Variants in SSH1 observed in about 807,000 individuals in gnomAD.
SSH1 encodes protein phosphatase Slingshot homolog 1.
SSH1 carries 43 observed loss-of-function variants against 79.7 expected under a neutral mutation model. The ratio of observed to expected loss-of-function variants is 0.54; its 90% CI spans 0.42 to 0.70. The LOEUF (loss-of-function observed/expected upper bound fraction) is 0.70, where lower values mean the gene tolerates loss of function less well. Ranked by LOEUF, SSH1 falls within the 30% of genes least tolerant of loss-of-function variation. The pLI, the probability that SSH1 is intolerant of heterozygous loss-of-function variation, is 0.00. For synonymous variants in SSH1, 599 were observed against 538.3 expected, an observed-to-expected ratio of 1.11 and a Z score of -1.56; for missense variants, 1,206 against 1,358.8, an observed-to-expected ratio of 0.89 and a Z score of 1.77.
chr12:108,822,896 C>G (rs1373945253), intron 3 of SSH1, among the ~76,000 whole-genome samples: 1 of 152,156 alleles, frequency 6.6e-6, no homozygotes, highest in Non-Finnish European at 1.5e-5. Flanking sequence ...ATACAGCACT[C>G]CAGATGGTTA....
At chr12:108,808,161 T>C (rs1172455234) in intron 7 of SSH1, among the ~76,000 whole-genome samples, 1 of 152,174 alleles carries the variant, frequency 6.6e-6, no homozygotes, top group Non-Finnish European at 1.5e-5. Flanking sequence ...TGGTCTTGAA[T>C]TCCTAGCCTC....
At chr12:108,811,779 C>T (rs1362325855) in intron 5 of SSH1, 3 of 250,878 alleles carry the variant, frequency 1.2e-5, no homozygotes, top group Non-Finnish European at 2.4e-5. Context: ...TACAATCTCG[C>T]TTAATCTGGT....
intron 1 of SSH1, chr12:108,853,391 C>T: frequency 1.0e-6 from 1 of 976,296 alleles, no homozygotes; most frequent in Non-Finnish European, 1.2e-6. Context: ...GAAACACATA[C>T]ACACCCCCCA....
At chr12:108,816,048 C>T (rs1467803262) in intron 5 of SSH1, among the ~76,000 whole-genome samples, 1 of 152,186 alleles carries the variant, frequency 6.6e-6, no homozygotes, top group African/African-American at 2.4e-5. Context: ...CTTGCTGCTC[C>T]GCCTCCACCC....
In SSH1 at chr12:108,779,233, C is replaced by CA. The variant is rs1157632483; in HGVS notation, c.*8754dup. 3 of 152,338 alleles carry CA rather than the reference C, an allele frequency of 2.0e-5. No homozygotes were observed. Among genetic ancestry groups the CA allele is most frequent in the Non-Finnish European group, 4.4e-5 (3 of 68,034 alleles). The allele number at this position is 152,338 out of a possible 1,614,324, so 9.4% of individuals were successfully genotyped here. ...TTTCAGGTTGAAAATGGACTCTTAA[C>CA]AAGGTACTTCAGGATGCACAATTTC... On this transcript the variant is annotated 3_prime_UTR_variant, in exon 15 of 15. Transcript: ENST00000326495.
chr12:108,810,581 A>AT (rs2037533939), intron 6 of SSH1, among the ~76,000 whole-genome samples: 1 of 152,204 alleles, frequency 6.6e-6, no homozygotes, highest in Non-Finnish European at 1.5e-5. Context: ...AAATATCCCC[A>AT]TAACCCCATC....
chr12:108,800,698 G>C, intron 12 of SSH1, 82 bp downstream of exon 12: 1 of 1,568,796 alleles, frequency 6.4e-7, no homozygotes, highest in South Asian at 1.1e-5. Flanking sequence ...GCCGACTTCT[G>C]CATCTGCAGT....
At chr12:108,852,092 G>A (rs763235064) in intron 2 of SSH1, among the ~76,000 whole-genome samples, 9 of 152,076 alleles carry the variant, frequency 5.9e-5, no homozygotes, top group Non-Finnish European at 1.0e-4. Flanking sequence ...TAATGTAAGG[G>A]TGGTAGAATA....
intron 2 of SSH1, among the ~76,000 whole-genome samples, chr12:108,852,154 G>T (rs1264921561): frequency 6.6e-6 from 1 of 151,840 alleles, no homozygotes; most frequent in African/African-American, 2.4e-5. Flanking sequence ...TATTAAAGTG[G>T]CTAGACATAT....
intron 13 of SSH1, among the ~76,000 whole-genome samples, chr12:108,795,970 C>T (rs1349829769): frequency 6.6e-6 from 1 of 152,082 alleles, no homozygotes; most frequent in Non-Finnish European, 1.5e-5. Context: ...TGCAGTGATG[C>T]GATCATGGCT....
chr12:108,849,065 C>T (rs1343586671), intron 2 of SSH1, among the ~76,000 whole-genome samples: 1 of 152,190 alleles, frequency 6.6e-6, no homozygotes, highest in Non-Finnish European at 1.5e-5. Flanking sequence ...AGAGTAGGAT[C>T]AACTTGGCAT....
chr12:108,821,035 C>T (rs59585551), intron 3 of SSH1, among the ~76,000 whole-genome samples: 1,916 of 152,350 alleles, frequency 0.013, 40 homozygotes, highest in African/African-American at 0.044. Flanking sequence ...ACAATTAAAA[C>T]ATGAACAACA....
intron 2 of SSH1, among the ~76,000 whole-genome samples, chr12:108,830,870 CCT>C (rs1424014203): frequency 6.6e-6 from 1 of 152,004 alleles, no homozygotes; most frequent in Non-Finnish European, 1.5e-5. Flanking sequence ...GTCTCCAACT[CCT>C]GAGCTCAAGC....
At chr12:108,791,879 G>C in intron 14 of SSH1, 1 of 1,204,892 alleles carries the variant, frequency 8.3e-7, no homozygotes, top group Non-Finnish European at 1.0e-6. Context: ...GTGGGTGGTA[G>C]GGGTGAGATG....
intron 2 of SSH1, among the ~76,000 whole-genome samples, chr12:108,835,885 AATT>A (rs921658975): frequency 3.1e-5 from 4 of 129,460 alleles, no homozygotes; most frequent in Non-Finnish European, 6.5e-5. Flanking sequence ...TATATTAATT[AATT>A]ATAACTATAT....
intron 2 of SSH1, among the ~76,000 whole-genome samples, chr12:108,835,677 G>A (rs1220669608): frequency 6.6e-6 from 1 of 151,906 alleles, no homozygotes; most frequent in African/African-American, 2.4e-5. Context: ...GGCAGGGCAA[G>A]CTTCTGAGTT....
intron 14 of SSH1, among the ~76,000 whole-genome samples, chr12:108,791,725 C>T (rs1457514500): frequency 6.6e-6 from 1 of 152,154 alleles, no homozygotes; most frequent in African/African-American, 2.4e-5. Context: ...TGCCACTGTA[C>T]TCCAGCATGG....
At chr12:108,815,961 T>C (rs2037866742) in intron 5 of SSH1, among the ~76,000 whole-genome samples, 1 of 152,210 alleles carries the variant, frequency 6.6e-6, no homozygotes, top group Non-Finnish European at 1.5e-5. Context: ...GACAAGACCA[T>C]ACTGTTACCG....
In SSH1 at chr12:108,818,326, T is replaced by C. The variant is rs574318373; in HGVS notation, c.215-13A>G. 3.6e-5 allele frequency: 58 copies of C among 1,613,326 alleles called. No individual in the cohort carries two copies. In the South Asian group the frequency reaches 5.6e-4, roughly 16 times the overall value. ...TGAGGCAGATCACCTGTTGGACCAATAAAGAAAGCTTTAAAAGGTCTCTTA... is the reference window on the plus strand; with the variant it reads ...TGAGGCAGATCACCTGTTGGACCAACAAAGAAAGCTTTAAAAGGTCTCTTA... On this transcript the variant is annotated splice_polypyrimidine_tract_variant and intron_variant, in intron 3 of 14. Transcript: ENST00000326495.
Sources: gnomAD v4.1 joint callset for allele counts (sites outside exome capture counted in the v4.1 genomes callset) on GRCh38, gnomAD v4.1.1 for gene constraint, MANE v1.5 for transcripts, NCBI Gene and HGNC (gene_info 2026-07-23, HGNC 2026-07-21) for gene names.